Variants in PLEKHD1 observed in about 807,000 individuals in gnomAD.
PLEKHD1 encodes pleckstrin homology domain-containing family D member 1.
PLEKHD1 carries 51 observed loss-of-function variants against 69.2 expected under a neutral mutation model. The ratio of observed to expected loss-of-function variants is 0.74; its 90% CI spans 0.59 to 0.93. The LOEUF (loss-of-function observed/expected upper bound fraction) is 0.93. Among genes scored for constraint, PLEKHD1 ranks in the 40% least tolerant of loss-of-function variants. The probability of loss-of-function intolerance (pLI) is 0.00; values close to 1 mark genes in which losing one functional copy is unlikely to be tolerated. For synonymous variants in PLEKHD1, 236 were observed against 244.7 expected (o/e 0.96, Z 0.33); for missense variants, 584 against 641.0 (o/e 0.91, Z 0.96).
chr14:69,528,590 C>A lies in PLEKHD1; in HGVS notation c.*171C>A. ...CAGCCTTGCCCTCAAAGGACATGGA[C>A]GCTGCCTTCCTCATCCTCACCCCAC... On this transcript the variant is annotated 3_prime_UTR_variant, in exon 13 of 13. Coordinates refer to ENST00000322564, the MANE Select transcript of PLEKHD1 (RefSeq NM_001161498.2). 3 of 898,356 alleles carry A rather than the reference C, an allele frequency of 3.3e-6. 1 individual carries two copies. The highest frequency in any genetic ancestry group is 3.5e-5 in the South Asian group (2 of 56,406). 55.6% of individuals were successfully genotyped at this position (898,356 alleles called of 1,614,324 possible).
At chr14:69,513,503 C>T (rs1883317529) in intron 6 of PLEKHD1, among the ~76,000 whole-genome samples, 1 of 152,176 alleles carries the variant, frequency 6.6e-6, no homozygotes, top group South Asian at 2.1e-4. Context: ...CTATGAGTGG[C>T]TGAAGTGTGG....
intron 1 of PLEKHD1, among the ~76,000 whole-genome samples, chr14:69,490,576 G>A (rs183133293): frequency 1.8e-3 from 272 of 152,268 alleles, no homozygotes; most frequent in Middle Eastern, 6.8e-3. Context: ...GTTCCAGGGG[G>A]ACTAAGTTTT....
At chr14:69,473,932 T>C in the PLEKHD1 span, among the ~76,000 whole-genome samples, 5 of 152,182 alleles carry the variant, frequency 3.3e-5, no homozygotes, top group African/African-American at 1.2e-4. Flanking sequence ...CCAGCCCCCA[T>C]CTGAATTGGG....
In PLEKHD1 at chr14:69,500,868, C is replaced by T. The variant is rs1377475395; in HGVS notation, c.334-3C>T. On this transcript the variant is annotated splice_region_variant and splice_polypyrimidine_tract_variant and intron_variant, in intron 3 of 12. Coordinates refer to ENST00000322564, the MANE Select transcript of PLEKHD1 (RefSeq NM_001161498.2). ...GCATGCGCATGGCTCCTCTTCCTGG[C>T]AGGGGAACATCTTGCTTGCTGCTGA... 17 of 1,551,528 alleles carry T rather than the reference C, an allele frequency of 1.1e-5. No individual in the cohort carries two copies. The highest frequency in any genetic ancestry group is 1.5e-5 in the Non-Finnish European group (17 of 1,146,998).
chr14:69,528,545 C>A lies in PLEKHD1; in HGVS notation c.*126C>A. 1 of 1,287,038 alleles carries A rather than the reference C, an allele frequency of 7.8e-7. No individual in the cohort carries two copies. Among genetic ancestry groups the A allele is most frequent in the Non-Finnish European group, 1.0e-6 (1 of 961,458 alleles). The allele number at this position is 1,287,038 out of a possible 1,614,324, so 79.7% of individuals were successfully genotyped here. A position where few individuals can be genotyped will look rare whatever the true frequency, so the allele number is the denominator to read the frequency against. On this transcript the variant is annotated 3_prime_UTR_variant, in exon 13 of 13. Transcript: ENST00000322564. The stretch of plus-strand genomic sequence containing the variant: ...GTCTGGAGCCTATGTCTCCTCTGGG[C>A]CGGAGCTCCACTTGGGGGCCAGCCT...
At chr14:69,512,060 T>A (rs758308454) in intron 6 of PLEKHD1, among the ~76,000 whole-genome samples, 25 of 152,248 alleles carry the variant, frequency 1.6e-4, no homozygotes, top group Admixed American at 5.9e-4. Context: ...AATTATTGAT[T>A]CAATTTATTT....
At position 69,527,732 on chromosome 14, in the gene PLEKHD1, G is replaced by A. The variant is rs960016543; in HGVS notation, c.1202-51G>A. 9.7e-6 allele frequency: 15 copies of A among 1,539,478 alleles called. No individual in the cohort carries two copies. The South Asian group carries it at 1.4e-4, about 15-fold the overall frequency. ...ATCCTTGGGAAGGGAGGGACTGGCTGGGGGTAAGGATGCAGTCGGAACCCC... is the reference window on the plus strand; with the variant it reads ...ATCCTTGGGAAGGGAGGGACTGGCTAGGGGTAAGGATGCAGTCGGAACCCC... On this transcript the variant is annotated intron_variant, in intron 11 of 12. Transcript: ENST00000322564.
chr14:69,504,514 G>T (rs1883109496), intron 6 of PLEKHD1, among the ~76,000 whole-genome samples: 1 of 150,320 alleles, frequency 6.7e-6, no homozygotes, highest in Non-Finnish European at 1.5e-5. Context: ...CACAGCTCCT[G>T]GCCCAAGACG....
At chr14:69,527,039 T>C in intron 10 of PLEKHD1, 149 bp from the exon 11 acceptor site, 1 of 1,197,554 alleles carries the variant, frequency 8.4e-7, no homozygotes, top group East Asian at 2.6e-5. Context: ...GTCCAGTCCA[T>C]CTGGTTCAAA....
At chr14:69,504,928 G>A (rs1883118101) in intron 6 of PLEKHD1, among the ~76,000 whole-genome samples, 1 of 152,242 alleles carries the variant, frequency 6.6e-6, no homozygotes. Flanking sequence ...CAGGTGCCCA[G>A]GGATGGGATG....
At chr14:69,492,536 A>G (rs1882799146) in intron 1 of PLEKHD1, among the ~76,000 whole-genome samples, 2 of 152,328 alleles carry the variant, frequency 1.3e-5, no homozygotes, top group South Asian at 4.1e-4. Flanking sequence ...TACAAAGTTA[A>G]AGCCTACCCT....
At position 69,527,297 on chromosome 14, in the gene PLEKHD1, A is replaced by T; in HGVS notation, c.1166A>T (p.Glu389Val). The part of the protein sequence containing the change: ...LNSKVRNKEK[E>V]ERMRADVSHL... ...TCCAAGGTGCGGAATAAGGAGAAGG[A>T]GGAGAGGATGCGGGCTGATGTGAGC... Residue 389 changes from glutamate (E) to valine (V), a missense_variant, in exon 11 of 13, where the codon GAG becomes GTG. Transcript: ENST00000322564. The T allele has an allele frequency of 6.4e-7, 1 of 1,551,776 alleles. No homozygotes were observed. Among genetic ancestry groups the T allele is most frequent in the Non-Finnish European group, 8.7e-7 (1 of 1,146,998 alleles).
intron 1 of PLEKHD1, among the ~76,000 whole-genome samples, chr14:69,498,095 TATTTTATTTTAG>T (rs1219747762): frequency 6.8e-6 from 1 of 146,730 alleles, no homozygotes; most frequent in East Asian, 1.9e-4. Flanking sequence ...TATTTTATTT[TATTTTATTTTAG>T]AGAGTCTTGC....
At chr14:69,469,682 AC>A in the PLEKHD1 span, among the ~76,000 whole-genome samples, 1 of 151,984 alleles carries the variant, frequency 6.6e-6, no homozygotes, top group African/African-American at 2.4e-5. Flanking sequence ...AAGCACGGAG[AC>A]GACTGGTGTG....
At chr14:69,494,274 C>T (rs1882839251) in intron 1 of PLEKHD1, among the ~76,000 whole-genome samples, 1 of 152,072 alleles carries the variant, frequency 6.6e-6, no homozygotes. Flanking sequence ...GACCTACCTA[C>T]CTTAGGTAAC....
Position 69,528,286 on chromosome 14 carries a change from A to G in PLEKHD1, c.1388A>G (p.Asp463Gly). The G allele has an allele frequency of 6.4e-7, 1 of 1,551,724 alleles. No individual in the cohort carries two copies. Among genetic ancestry groups the G allele is most frequent in the Non-Finnish European group, 8.7e-7 (1 of 1,146,992 alleles). ...PSQSFMTSQL[D>G]ANNMEELKEV... is the part of the protein sequence containing the mutation. ...CAGTCCTTCATGACCTCCCAGCTGG[A>G]TGCCAACAACATGGAGGAGCTAAAG... The change falls in exon 13 of 13, where the codon GAT becomes GGT. Residue 463 changes from aspartate (D) to glycine (G), a missense_variant. Asp to Gly is a moderately conservative substitution (Grantham distance 94). Transcript: ENST00000322564.
chr14:69,478,051 G>A, the PLEKHD1 span, among the ~76,000 whole-genome samples: 1 of 152,238 alleles, frequency 6.6e-6, no homozygotes. Flanking sequence ...TTCTGCCTGG[G>A]CATCCAGGTG....
At chr14:69,495,469 C>T (rs1231681887) in intron 1 of PLEKHD1, among the ~76,000 whole-genome samples, 1 of 152,222 alleles carries the variant, frequency 6.6e-6, no homozygotes, top group Non-Finnish European at 1.5e-5. Flanking sequence ...CAAGTCATGC[C>T]TCCTCTCTGC....
the PLEKHD1 span, among the ~76,000 whole-genome samples, chr14:69,468,565 C>T: frequency 6.7e-6 from 1 of 149,624 alleles, no homozygotes; most frequent in South Asian, 2.1e-4. Context: ...TTCTTTCTTT[C>T]CTTCCTTCTT....
Sources: gnomAD v4.1 joint callset for allele counts (sites outside exome capture counted in the v4.1 genomes callset) on GRCh38, gnomAD v4.1.1 for gene constraint, MANE v1.5 for transcripts, NCBI Gene and HGNC (gene_info 2026-07-23, HGNC 2026-07-21) for gene names.